Variants in MAD1L1 observed in about 807,000 individuals in gnomAD.
MAD1L1 encodes the protein mitotic arrest deficient 1 like 1, also known as mitotic spindle assembly checkpoint protein MAD1.
A neutral mutation model predicts 96.9 loss-of-function variants in MAD1L1; 95 were observed. The ratio of observed to expected loss-of-function variants is 0.98; its 90% CI spans 0.83 to 1.16. The LOEUF (loss-of-function observed/expected upper bound fraction) is 1.16, where lower values mean the gene tolerates loss of function less well. Among genes scored for constraint, MAD1L1 ranks in the 50% most tolerant of loss-of-function variants. The pLI is 0.00. For synonymous variants in MAD1L1, 473 were observed against 396.6 expected (o/e 1.19, Z -2.29); for missense variants, 1,007 against 954.4 (o/e 1.06, Z -0.73).
chr7:2,130,605 G>C (rs1788466686), intron 11 of MAD1L1, among the ~76,000 whole-genome samples: 2 of 151,570 alleles, frequency 1.3e-5, no homozygotes, highest in Non-Finnish European at 1.5e-5. Context: ...AAAATAAAAT[G>C]TCAGGACCCT....
chr7:1,974,558 A>C (rs1034338337), intron 15 of MAD1L1, among the ~76,000 whole-genome samples: 1 of 152,370 alleles, frequency 6.6e-6, no homozygotes, highest in Admixed American at 6.5e-5. Flanking sequence ...TATAGCAACA[A>C]ATAAAATAAG....
intron 14 of MAD1L1, among the ~76,000 whole-genome samples, chr7:1,988,992 C>T (rs960621143): frequency 6.6e-6 from 1 of 152,246 alleles, no homozygotes; most frequent in Non-Finnish European, 1.5e-5. Context: ...ACAGGAGCCC[C>T]TTATATCACA....
At chr7:1,956,341 C>T (rs921539132) in intron 16 of MAD1L1, among the ~76,000 whole-genome samples, 7 of 152,150 alleles carry the variant, frequency 4.6e-5, no homozygotes, top group Non-Finnish European at 8.8e-5. Context: ...GTGGCCTCCC[C>T]GCTTCACTGC....
intron 6 of MAD1L1, among the ~76,000 whole-genome samples, chr7:2,218,464 A>G (rs1156571653): frequency 6.6e-6 from 1 of 152,192 alleles, no homozygotes; most frequent in Non-Finnish European, 1.5e-5. Context: ...CTGCTGATGG[A>G]AGGGTCCAAG....
At chr7:2,069,417 G>A (rs945667060) in intron 11 of MAD1L1, 79 bp from the exon 12 acceptor site, 78 of 1,369,902 alleles carry the variant, frequency 5.7e-5, no homozygotes, top group Middle Eastern at 2.6e-4. Context: ...CCCCAGGAAC[G>A]AGCCCACCAG....
At chr7:2,175,994 A>G (rs911960706) in intron 10 of MAD1L1, among the ~76,000 whole-genome samples, 2 of 152,230 alleles carry the variant, frequency 1.3e-5, no homozygotes, top group African/African-American at 4.8e-5. Flanking sequence ...ATCAGGCAGG[A>G]AAAAAGGACT....
chr7:2,026,823 A>G (rs2128504426), intron 12 of MAD1L1, among the ~76,000 whole-genome samples: 1 of 152,374 alleles, frequency 6.6e-6, no homozygotes, highest in African/African-American at 2.4e-5. Context: ...CTGTAACACA[A>G]GAAAGGATAA....
chr7:1,864,035 G>A (rs1410835970), intron 18 of MAD1L1, among the ~76,000 whole-genome samples: 1 of 152,218 alleles, frequency 6.6e-6, no homozygotes, highest in Non-Finnish European at 1.5e-5. Flanking sequence ...AGAGGTTGCA[G>A]TGAGCCGAGA....
intron 16 of MAD1L1, among the ~76,000 whole-genome samples, chr7:1,945,575 G>A (rs1779192224): frequency 6.6e-6 from 1 of 152,180 alleles, no homozygotes; most frequent in Non-Finnish European, 1.5e-5. Context: ...CTGCTGCTGG[G>A]CCCACCCTGG....
chr7:2,019,259 A>C (rs1782675114), intron 12 of MAD1L1, among the ~76,000 whole-genome samples: 1 of 152,202 alleles, frequency 6.6e-6, no homozygotes, highest in Non-Finnish European at 1.5e-5. Context: ...CCCTGCTGGG[A>C]CAGAGGCTGG....
chr7:2,177,498 G>A (rs1192074941), intron 10 of MAD1L1, among the ~76,000 whole-genome samples: 1 of 152,168 alleles, frequency 6.6e-6, no homozygotes, highest in Non-Finnish European at 1.5e-5. Context: ...TGAATCAGAT[G>A]TTAACATCCA....
chr7:1,962,356 T>A (rs985677234), intron 15 of MAD1L1, among the ~76,000 whole-genome samples: 2 of 152,246 alleles, frequency 1.3e-5, no homozygotes, highest in Non-Finnish European at 2.9e-5. Context: ...CCATTCAATC[T>A]CTTTTTCTTT....
intron 10 of MAD1L1, among the ~76,000 whole-genome samples, chr7:2,172,302 G>A (rs12699750): frequency 0.15 from 22,057 of 152,082 alleles, 1,826 homozygotes; most frequent in Middle Eastern, 0.26. Flanking sequence ...CGGGTGGGAC[G>A]TGTCTGGCCC....
At chr7:1,913,616 G>T (rs1788161878) in intron 17 of MAD1L1, among the ~76,000 whole-genome samples, 1 of 152,106 alleles carries the variant, frequency 6.6e-6, no homozygotes, top group Non-Finnish European at 1.5e-5. Context: ...AAGTGGCGGG[G>T]AGGGGGAGCC....
intron 11 of MAD1L1, among the ~76,000 whole-genome samples, chr7:2,105,165 C>T (rs974195210): frequency 2.6e-5 from 4 of 152,108 alleles, no homozygotes; most frequent in East Asian, 3.9e-4. Flanking sequence ...CCACAAACAC[C>T]GCACCGTCCT....
intron 18 of MAD1L1, among the ~76,000 whole-genome samples, chr7:1,886,464 T>C (rs1217787225): frequency 6.6e-6 from 1 of 152,198 alleles, no homozygotes; most frequent in African/African-American, 2.4e-5. Flanking sequence ...AGACAGCAGG[T>C]CCTCGATTCA....
chr7:2,065,266 C>A (rs1393920304), intron 12 of MAD1L1, among the ~76,000 whole-genome samples: 1 of 152,180 alleles, frequency 6.6e-6, no homozygotes, highest in African/African-American at 2.4e-5. Flanking sequence ...TGGATCTGGC[C>A]TAAACTGCAC....
At chr7:1,949,220 C>G (rs1252107711) in intron 16 of MAD1L1, among the ~76,000 whole-genome samples, 1 of 152,228 alleles carries the variant, frequency 6.6e-6, no homozygotes, top group African/African-American at 2.4e-5. Context: ...CCTCGATCTG[C>G]TGTCTGTAGA....
chr7:1,847,097 G>A (rs1783670507), intron 18 of MAD1L1: 3 of 360,754 alleles, frequency 8.3e-6, no homozygotes, highest in South Asian at 4.1e-5. Context: ...CATCCATCAG[G>A]TATCTTTCTG....
Sources: allele counts gnomAD v4.1 joint callset (sites outside exome capture counted in the v4.1 genomes callset), GRCh38; gene constraint gnomAD v4.1.1; transcripts MANE v1.5; gene names NCBI Gene and HGNC (gene_info 2026-07-23, HGNC 2026-07-21).